LNPEP: variants seen among roughly 807,000 people sequenced by gnomAD.
LNPEP encodes the protein leucyl and cystinyl aminopeptidase.
LNPEP carries 64 observed loss-of-function variants against 120.6 expected under a neutral mutation model. The ratio of observed to expected loss-of-function variants is 0.53; its 90% confidence interval spans 0.43 to 0.65. The LOEUF is 0.65. LNPEP is among the 30% of genes least tolerant of loss of function. The pLI is 0.00. For synonymous variants in LNPEP, 435 were observed against 425.4 expected, an observed-to-expected ratio of 1.02 and a Z score of -0.28; for missense variants, 1,057 against 1,200.0, an observed-to-expected ratio of 0.88 and a Z score of 1.76.
chr5:96,939,595 A>G (rs1416245424), intron 1 of LNPEP, among the ~76,000 whole-genome samples: 7 of 114,810 alleles, frequency 6.1e-5, no homozygotes, highest in Non-Finnish European at 1.1e-4. Context: ...AGAACTGAAA[A>G]CATAAATAGT....
chr5:97,037,155 T>G lies in LNPEP; in HGVS notation c.*8622T>G, dbSNP rs1791584845. On this transcript the variant is annotated 3_prime_UTR_variant, in exon 18 of 18. Coordinates refer to ENST00000231368, the MANE Select transcript of LNPEP (RefSeq NM_005575.3). ...CTTGATTAAAGCCAAGTGTTCCATG[T>G]TGCTGTGAAGAATAGCCTCTTTCAA... 1 of 152,204 alleles carries G rather than the reference T, an allele frequency of 6.6e-6. No homozygotes were observed. Among genetic ancestry groups the G allele is most frequent in the Non-Finnish European group, 1.5e-5 (1 of 68,036 alleles). 9.4% of individuals were successfully genotyped at this position (152,204 alleles called of 1,614,324 possible). A position where few individuals can be genotyped will look rare whatever the true frequency, so the allele number is the denominator to read the frequency against.
At position 97,032,894 on chromosome 5, in the gene LNPEP, A is replaced by G. The variant is rs1791498252; in HGVS notation, c.*4361A>G. ...AGTCTTGGGGCTGGGGTTGTATATT[A>G]TTCTTTCAAGTGTGTATAAATATTG... On this transcript the variant is annotated 3_prime_UTR_variant, in exon 18 of 18. Transcript: ENST00000231368. The G allele has an allele frequency of 6.6e-6, 1 of 152,122 alleles. No homozygotes were observed. The allele number at this position is 152,122 out of a possible 1,614,324, so 9.4% of individuals were successfully genotyped here.
rs183045811 is a variant in LNPEP at position 96,954,846 on chromosome 5, G to C, written c.19+18672G>C. Among the ~76,000 whole-genome samples, 532 of 125,624 alleles carry C rather than the reference G, an allele frequency of 4.2e-3. 3 individuals carry two copies. The highest frequency in any genetic ancestry group is 0.016 in the African/African-American group (508 of 32,254). 82.4% of individuals were successfully genotyped at this position (125,624 alleles called of 152,430 possible). ...CGCCCAGGCTGGAGTGCAGTGGCACGATCTCGGCTCACTGCAAGCTCCGCC... is the reference window on the plus strand; with the variant it reads ...CGCCCAGGCTGGAGTGCAGTGGCACCATCTCGGCTCACTGCAAGCTCCGCC... On this transcript the variant is annotated intron_variant, in intron 1 of 17. Transcript: ENST00000231368.
At chr5:96,973,273 A>G (rs1386776915) in intron 1 of LNPEP, among the ~76,000 whole-genome samples, 1 of 152,104 alleles carries the variant, frequency 6.6e-6, no homozygotes, top group Non-Finnish European at 1.5e-5. Flanking sequence ...GGACCTACCC[A>G]GAAAAAAATC....
intron 2 of LNPEP, among the ~76,000 whole-genome samples, chr5:96,982,099 T>G (rs1215130739): frequency 6.6e-6 from 1 of 152,072 alleles, no homozygotes; most frequent in Non-Finnish European, 1.5e-5. Flanking sequence ...TTATATTCAT[T>G]TTACAGCTAA....
intron 11 of LNPEP, among the ~76,000 whole-genome samples, chr5:97,008,698 T>G (rs1253165498): frequency 3.3e-4 from 43 of 131,944 alleles, no homozygotes; most frequent in Non-Finnish European, 5.7e-4. Context: ...AGAGTCTCGC[T>G]CTGTTGCCCA....
intron 11 of LNPEP, among the ~76,000 whole-genome samples, 191 bp downstream of exon 11, chr5:97,006,706 A>G (rs1790796501): frequency 6.6e-6 from 1 of 152,236 alleles, no homozygotes; most frequent in South Asian, 2.1e-4. Context: ...GCCATGTGAA[A>G]TAAGGTACAA....
At chr5:96,993,196 AT>A in intron 5 of LNPEP, 61 bp downstream of exon 5, 5 of 1,293,196 alleles carry the variant, frequency 3.9e-6, no homozygotes, top group Non-Finnish European at 5.2e-6. Flanking sequence ...TATTTTGTGA[AT>A]TTTTTTAGAA....
chr5:96,993,729 C>A, intron 5 of LNPEP, 88 bp from the exon 6 acceptor site: 1 of 1,198,644 alleles, frequency 8.3e-7, no homozygotes, highest in Non-Finnish European at 1.2e-6. Flanking sequence ...TCATTGCTTT[C>A]ACAGTGATAA....
At chr5:96,974,276 G>C (rs1306876668) in intron 1 of LNPEP, among the ~76,000 whole-genome samples, 2 of 152,048 alleles carry the variant, frequency 1.3e-5, no homozygotes, top group African/African-American at 4.8e-5. Flanking sequence ...CTGGGCAGAT[G>C]TCTTTGCTTG....
chr5:96,938,589 T>C (rs1788977671), intron 1 of LNPEP, among the ~76,000 whole-genome samples: 1 of 152,210 alleles, frequency 6.6e-6, no homozygotes, highest in African/African-American at 2.4e-5. Context: ...TTCCCTGTTT[T>C]CTGTCCAAAG....
chr5:97,025,621 C>T (rs1791318305), intron 15 of LNPEP, among the ~76,000 whole-genome samples: 1 of 152,138 alleles, frequency 6.6e-6, no homozygotes, highest in African/African-American at 2.4e-5. Context: ...AGTGTCAGTC[C>T]TGGTCTTTGT....
At chr5:96,999,298 G>T (rs915979266) in intron 8 of LNPEP, among the ~76,000 whole-genome samples, 2 of 152,104 alleles carry the variant, frequency 1.3e-5, no homozygotes, top group Admixed American at 1.3e-4. Flanking sequence ...GAAATGAGGA[G>T]TGCTAGTAAG....
rs1277516992 is a variant in LNPEP at position 96,954,777 on chromosome 5, T to A, written c.19+18603T>A. On this transcript the variant is annotated intron_variant, in intron 1 of 17. Transcript: ENST00000231368. Reference sequence around the variant, plus strand: ...ATATATATATATATATATATATTTTTTTTTTTTTTTTTTTTTTTTTTTTGA... The same window carrying A: ...ATATATATATATATATATATATTTTATTTTTTTTTTTTTTTTTTTTTTTGA... Among the ~76,000 whole-genome samples the A allele has an allele frequency of 5.9e-4, 39 of 65,694 alleles. 3 individuals carry two copies. Among genetic ancestry groups the A allele is most frequent in the East Asian group, 2.7e-3 (7 of 2,618 alleles). The allele number at this position is 65,694 out of a possible 152,430, so 43.1% of individuals were successfully genotyped here.
intron 13 of LNPEP, among the ~76,000 whole-genome samples, chr5:97,016,708 A>G (rs1791076418): frequency 6.6e-6 from 1 of 152,188 alleles, no homozygotes; most frequent in South Asian, 2.1e-4. Flanking sequence ...TTCTCCTAAA[A>G]ATGAAATTGT....
At chr5:96,971,046 C>T (rs546736072) in intron 1 of LNPEP, among the ~76,000 whole-genome samples, 1 of 152,142 alleles carries the variant, frequency 6.6e-6, no homozygotes, top group African/African-American at 2.4e-5. Context: ...TATACATCTA[C>T]TTGAGGAAAA....
chr5:97,000,395 A>C (rs1790620664), intron 8 of LNPEP, among the ~76,000 whole-genome samples: 1 of 152,186 alleles, frequency 6.6e-6, no homozygotes, highest in South Asian at 2.1e-4. Context: ...CCTGCTTGCA[A>C]GGTTGGCCCT....
At chr5:96,957,340 C>T (rs77373332) in intron 1 of LNPEP, among the ~76,000 whole-genome samples, 5,713 of 152,270 alleles carry the variant, frequency 0.038, 184 homozygotes, top group Middle Eastern at 0.11. Context: ...TTTAGTTCTC[C>T]TAGCCTTTGT....
intron 11 of LNPEP, among the ~76,000 whole-genome samples, chr5:97,008,337 GTTTTTTTTTTTTTTTTTTT>G (rs781727347): frequency 1.7e-5 from 1 of 59,824 alleles, no homozygotes; most frequent in Non-Finnish European, 2.9e-5. Flanking sequence ...GTTTTTTCTT[GTTTTTTTTTTTTTTTTTTT>G]TTTTTTTTTT....
Sources: gnomAD v4.1 joint callset for allele counts (sites outside exome capture counted in the v4.1 genomes callset) on GRCh38, gnomAD v4.1.1 for gene constraint, MANE v1.5 for transcripts, NCBI Gene and HGNC (gene_info 2026-07-23, HGNC 2026-07-21) for gene names.